Variants in VAPB observed in about 807,000 individuals in gnomAD.
VAPB encodes VAMP associated protein B and C.
Under a neutral mutation model 25.6 loss-of-function variants are expected in VAPB, and 7 were observed. That is an observed-to-expected ratio of 0.27 (90% CI 0.16 to 0.51). VAPB has a LOEUF of 0.51. Ranked by LOEUF, VAPB falls within the 20% of genes least tolerant of loss-of-function variation. The pLI is 0.97. For synonymous variants in VAPB, 112 were observed against 109.2 expected, an observed-to-expected ratio of 1.03 and a Z score of -0.16; for missense variants, 266 against 301.3, an observed-to-expected ratio of 0.88 and a Z score of 0.87.
At chr20:58,402,400 C>A (rs1167691508) in intron 1 of VAPB, among the ~76,000 whole-genome samples, 5 of 152,160 alleles carry the variant, frequency 3.3e-5, no homozygotes. Flanking sequence ...CCCTGCTTAC[C>A]TTTGAGGCTC....
At chr20:58,392,796 G>T (rs1016879567) in intron 1 of VAPB, among the ~76,000 whole-genome samples, 1 of 152,276 alleles carries the variant, frequency 6.6e-6, no homozygotes, top group East Asian at 1.9e-4. Flanking sequence ...TGGGAATTTT[G>T]TGTGGTATGT....
chr20:58,408,129 G>C (rs770059306), intron 1 of VAPB, among the ~76,000 whole-genome samples: 2 of 152,048 alleles, frequency 1.3e-5, no homozygotes, highest in African/African-American at 4.8e-5. Context: ...TGCAAGTCTG[G>C]TATAGTCTAT....
At chr20:58,423,583 TTGG>T (rs1429660481) in intron 2 of VAPB, among the ~76,000 whole-genome samples, 7 of 152,222 alleles carry the variant, frequency 4.6e-5, no homozygotes, top group African/African-American at 1.7e-4. Context: ...ATGTAGCTGT[TTGG>T]TGGCCCTGGA....
Position 58,389,406 on chromosome 20 carries a change from C to T in VAPB, c.-54C>T, listed in dbSNP as rs775864249. ...GCGGGCGCAGCATTAACGCTTCCCG[C>T]CCCGGTGACCTCTCAGGGGTCTCCC... On this transcript the variant is annotated 5_prime_UTR_variant, in exon 1 of 6. Transcript: ENST00000475243. The T allele has an allele frequency of 8.4e-6, 13 of 1,553,282 alleles. No homozygotes were observed. The highest frequency in any genetic ancestry group is 1.1e-5 in the Non-Finnish European group (13 of 1,147,632).
At chr20:58,408,372 A>G (rs904818578) in intron 1 of VAPB, among the ~76,000 whole-genome samples, 4 of 152,240 alleles carry the variant, frequency 2.6e-5, no homozygotes, top group Admixed American at 6.5e-5. Flanking sequence ...AATAAGAGCT[A>G]TACAATCAGG....
chr20:58,445,684 CTGTGTGTG>C lies in VAPB; in HGVS notation c.*1479_*1486del, dbSNP rs138225455. ...GAAATACGTGTTTCATGATTTAACT[CTGTGTGTG>C]TGTGTGTGTGTGTGTGTGTGTGTGT... On this transcript the variant is annotated 3_prime_UTR_variant, in exon 6 of 6. Coordinates refer to ENST00000475243, the MANE Select transcript of VAPB (RefSeq NM_004738.5). 734 of 432,698 alleles carry C rather than the reference CTGTGTGTG, an allele frequency of 1.7e-3. 1 individual carries two copies. Among genetic ancestry groups the C allele is most frequent in the African/African-American group, 9.1e-3 (434 of 47,934 alleles). 26.8% of individuals were successfully genotyped at this position (432,698 alleles called of 1,614,324 possible). A position where few individuals can be genotyped will look rare whatever the true frequency, so the allele number is the denominator to read the frequency against.
At position 58,441,024 on chromosome 20, in the gene VAPB, G is replaced by A. The variant is rs1300346512; in HGVS notation, c.514G>A (p.Glu172Lys). 6.2e-7 allele frequency: 1 copy of A among 1,614,112 alleles called. No individual in the cohort carries two copies. Among genetic ancestry groups the A allele is most frequent in the Non-Finnish European group, 8.5e-7 (1 of 1,180,000 alleles). Residue 172 changes from glutamate (E) to lysine (K), a missense_variant, in exon 5 of 6, where the codon GAA becomes AAA. Physicochemically the swap from Glu to Lys is moderately conservative, Grantham distance 56. Coordinates refer to ENST00000475243, the MANE Select transcript of VAPB (RefSeq NM_004738.5). ...CACCGAAGTTAAGAAGGTTATGGAAGAATGTAAGAGGCTGCAAGGTGAAGT... is the reference window on the plus strand; with the variant it reads ...CACCGAAGTTAAGAAGGTTATGGAAAAATGTAAGAGGCTGCAAGGTGAAGT... Reference protein sequence around the residue: ...DDTEVKKVMEECKRLQGEVQR... With the variant: ...DDTEVKKVMEKCKRLQGEVQR...
At chr20:58,411,829 C>CCACCACGCCCAA (rs1456161408) in intron 1 of VAPB, among the ~76,000 whole-genome samples, 14 of 152,248 alleles carry the variant, frequency 9.2e-5, no homozygotes, top group Middle Eastern at 6.8e-3. Flanking sequence ...CAGGTGCCCA[C>CCACCACGCCCAA]CACCACGCCC....
At chr20:58,399,367 CGTT>C (rs1238476541) in intron 1 of VAPB, among the ~76,000 whole-genome samples, 1 of 151,650 alleles carries the variant, frequency 6.6e-6, no homozygotes, top group Non-Finnish European at 1.5e-5. Flanking sequence ...GTAATTGTCT[CGTT>C]GGCACCTCTT....
At chr20:58,416,141 T>C (rs148151824) in intron 1 of VAPB, among the ~76,000 whole-genome samples, 161 of 152,328 alleles carry the variant, frequency 1.1e-3, no homozygotes, top group Non-Finnish European at 2.1e-3. Flanking sequence ...GGGAGAAATC[T>C]GGGATGTTTA....
At chr20:58,435,447 G>A (rs1175779749) in intron 3 of VAPB, among the ~76,000 whole-genome samples, 1 of 152,178 alleles carries the variant, frequency 6.6e-6, no homozygotes, top group Non-Finnish European at 1.5e-5. Context: ...GTTCAGGAAA[G>A]CAGGACAGGG....
intron 2 of VAPB, among the ~76,000 whole-genome samples, chr20:58,428,946 G>A (rs1988867717): frequency 6.6e-6 from 1 of 152,160 alleles, no homozygotes; most frequent in African/African-American, 2.4e-5. Flanking sequence ...ACTGTGGCTG[G>A]CTGATGTAGG....
At chr20:58,411,549 G>T (rs1988378256) in intron 1 of VAPB, among the ~76,000 whole-genome samples, 1 of 152,210 alleles carries the variant, frequency 6.6e-6, no homozygotes, top group Non-Finnish European at 1.5e-5. Flanking sequence ...CCTGATTACA[G>T]GCGTGAGCCA....
intron 2 of VAPB, among the ~76,000 whole-genome samples, chr20:58,423,502 C>T (rs1338248188): frequency 8.3e-6 from 1 of 120,096 alleles, no homozygotes; most frequent in Admixed American, 9.8e-5. Flanking sequence ...TGGATGAAAA[C>T]ATTGATCAGT....
intron 2 of VAPB, among the ~76,000 whole-genome samples, chr20:58,430,149 CAT>C (rs1452652933): frequency 6.7e-6 from 1 of 148,236 alleles, no homozygotes; most frequent in Admixed American, 6.7e-5. Context: ...TTAAGAATAA[CAT>C]AATTACATGT....
rs1568725480 is a variant in VAPB, at chr20:58,448,565, GC to G, written c.*4332del. The G allele has an allele frequency of 2.2e-6, 1 of 454,068 alleles. No homozygotes were observed. The highest frequency in any genetic ancestry group is 2.0e-5 in the African/African-American group (1 of 50,120). The allele number at this position is 454,068 out of a possible 1,614,324, so 28.1% of individuals were successfully genotyped here. ...TTAGAACTAAATCAGTCTCTGTAAG[GC>G]CTACATTGCTAAGATACCATTTCAG... On this transcript the variant is annotated 3_prime_UTR_variant, in exon 6 of 6. Coordinates refer to ENST00000475243, the MANE Select transcript of VAPB (RefSeq NM_004738.5).
At chr20:58,389,667 T>C (rs1987738803) in intron 1 of VAPB, 150 bp downstream of exon 1, 1 of 833,216 alleles carries the variant, frequency 1.2e-6, no homozygotes, top group Non-Finnish European at 1.7e-6. Context: ...GCCTTGGCGC[T>C]CGCCGCGCTC....
chr20:58,442,994 T>C lies in VAPB; in HGVS notation c.574-1083T>C, dbSNP rs181273048. The stretch of plus-strand genomic sequence containing the variant: ...TGAGTCTGTGCCAGAATAGAATGGC[T>C]TGATGCATGTCCCTCTTCAGGGATG... On this transcript the variant is annotated intron_variant, in intron 5 of 5. Transcript: ENST00000475243. 6.6e-5 allele frequency among the ~76,000 whole-genome samples: 10 copies of C among 152,324 alleles called. No individual in the cohort carries two copies. In the East Asian group the frequency reaches 1.2e-3, roughly 18 times the overall value.
rs1568726001 is a variant in VAPB, at chr20:58,449,101, A to G, written c.*4866A>G. 1 of 454,094 alleles carries G rather than the reference A, an allele frequency of 2.2e-6. No individual in the cohort carries two copies. The highest frequency in any genetic ancestry group is 7.0e-5 in the East Asian group (1 of 14,388). The allele number at this position is 454,094 out of a possible 1,614,324, so 28.1% of individuals were successfully genotyped here. ...CAAGTAATAGAAGCCCCTGATAAGG[A>G]GCGTCAGCCGACAGGCAAGCTTGGG... On this transcript the variant is annotated 3_prime_UTR_variant, in exon 6 of 6. Coordinates refer to ENST00000475243, the MANE Select transcript of VAPB (RefSeq NM_004738.5).
Sources: gnomAD v4.1 joint callset for allele counts (sites outside exome capture counted in the v4.1 genomes callset) on GRCh38, gnomAD v4.1.1 for gene constraint, MANE v1.5 for transcripts, NCBI Gene and HGNC (gene_info 2026-07-23, HGNC 2026-07-21) for gene names.